Variants in TMEM67 observed in about 807,000 individuals in gnomAD.
TMEM67 encodes transmembrane protein 67.
Under a neutral mutation model 136.6 loss-of-function variants are expected in TMEM67, and 124 were observed. The ratio of observed to expected loss-of-function variants is 0.91; its 90% CI spans 0.78 to 1.05. TMEM67 has a LOEUF of 1.05. TMEM67 is among the 50% of genes least tolerant of loss of function. The pLI, the probability that TMEM67 is intolerant of heterozygous loss-of-function variation, is 0.00. For missense variants in TMEM67, 1,107 were observed against 1,178.4 expected, an observed-to-expected ratio of 0.94 and a Z score of 0.89; for synonymous variants, 364 against 390.5, an observed-to-expected ratio of 0.93 and a Z score of 0.80.
chr8:93,786,123 G>A (rs1586050889), intron 12 of TMEM67, 100 bp from the exon 13 acceptor site: 1 of 1,118,638 alleles, frequency 8.9e-7, no homozygotes, highest in East Asian at 2.4e-5. Flanking sequence ...CCATTGTCAG[G>A]TGTTTCTTAT....
intron 6 of TMEM67, among the ~76,000 whole-genome samples, chr8:93,767,731 T>TTG (rs984731391): frequency 4.6e-5 from 7 of 151,866 alleles, no homozygotes; most frequent in African/African-American, 1.7e-4. Context: ...CGTGATTTTT[T>TTG]TTTTTTTTTT....
At chr8:93,755,369 G>A (rs1229020467) in intron 1 of TMEM67, among the ~76,000 whole-genome samples, 1 of 152,208 alleles carries the variant, frequency 6.6e-6, no homozygotes, top group African/African-American at 2.4e-5. Flanking sequence ...ATTTCCAGCA[G>A]CAGTTAAGTA....
chr8:93,808,296 T>G (rs918609969), intron 23 of TMEM67, among the ~76,000 whole-genome samples: 1 of 142,930 alleles, frequency 7.0e-6, no homozygotes, highest in Non-Finnish European at 1.5e-5. Context: ...ATGGATTATA[T>G]ATATTATCAT....
At chr8:93,810,418 A>G (rs1808657229) in intron 26 of TMEM67, among the ~76,000 whole-genome samples, 1 of 151,882 alleles carries the variant, frequency 6.6e-6, no homozygotes, top group Non-Finnish European at 1.5e-5. Flanking sequence ...CGTCTTTACT[A>G]AAAATACAAA....
intron 2 of TMEM67, among the ~76,000 whole-genome samples, chr8:93,757,366 G>A (rs980148339): frequency 3.3e-5 from 5 of 151,582 alleles, no homozygotes; most frequent in African/African-American, 4.9e-5. Flanking sequence ...GGCCGGGCGC[G>A]GTGGCTCACG....
At chr8:93,770,188 TTAA>T (rs1386799196) in intron 6 of TMEM67, among the ~76,000 whole-genome samples, 3 of 152,216 alleles carry the variant, frequency 2.0e-5, no homozygotes, top group African/African-American at 4.8e-5. Flanking sequence ...TAAAGAATTA[TTAA>T]TGTTTTGCCA....
Position 93,765,390 on chromosome 8 carries a change from T to C in TMEM67, c.507-16T>C, listed in dbSNP as rs367547273. On this transcript the variant is annotated splice_polypyrimidine_tract_variant and intron_variant, in intron 4 of 27. Transcript: ENST00000453321. ...TTTATTAACATTTTTAAAATTATTT[T>C]TGTTATATTGAACAGGTGCGTCCGA... The C allele has an allele frequency of 4.7e-5, 75 of 1,600,918 alleles. No homozygotes were observed. Among genetic ancestry groups the C allele is most frequent in the Admixed American group, 8.3e-5 (5 of 59,938 alleles).
At chr8:93,813,152 T>G (rs1808766276) in intron 26 of TMEM67, among the ~76,000 whole-genome samples, 1 of 152,174 alleles carries the variant, frequency 6.6e-6, no homozygotes, top group Non-Finnish European at 1.5e-5. Context: ...TATCTTCCTC[T>G]TCTTTCTAAG....
intron 6 of TMEM67, chr8:93,769,638 T>C (rs1813244857): frequency 6.0e-6 from 1 of 167,122 alleles, no homozygotes; most frequent in African/African-American, 2.4e-5. Flanking sequence ...CTAGTTAAGA[T>C]GGTTTGACTA....
intron 14 of TMEM67, among the ~76,000 whole-genome samples, chr8:93,789,594 G>A (rs190205757): frequency 4.2e-4 from 63 of 150,292 alleles, no homozygotes; most frequent in Non-Finnish European, 7.5e-4. Flanking sequence ...GCAGTGAGCC[G>A]AGAGCACGCC....
rs59319341 is a variant in TMEM67, at chr8:93,803,911, A to G, written c.2322+227A>G. Among the ~76,000 whole-genome samples the G allele has an allele frequency of 0.019, 2,751 of 147,302 alleles. 85 individuals are homozygous for G. Among genetic ancestry groups the G allele is most frequent in the African/African-American group, 0.063 (2,514 of 39,726 alleles). On this transcript the variant is annotated intron_variant, in intron 22 of 27. Transcript: ENST00000453321. ...TTTTTTTTTGAAACGGTCTTGCTCC[A>G]TCACCCAGGCTGGAGTGTAGTGGCA...
At chr8:93,776,845 A>G (rs1047218352) in intron 7 of TMEM67, among the ~76,000 whole-genome samples, 2 of 152,192 alleles carry the variant, frequency 1.3e-5, no homozygotes, top group Non-Finnish European at 2.9e-5. Context: ...AGGCTTTGGT[A>G]TCAGGATGAT....
chr8:93,803,914 AC>A (rs1586080814), intron 22 of TMEM67, among the ~76,000 whole-genome samples: 1 of 148,344 alleles, frequency 6.7e-6, no homozygotes, highest in East Asian at 2.0e-4. Flanking sequence ...TTGCTCCATC[AC>A]CCAGGCTGGA....
At chr8:93,781,509 C>G in intron 9 of TMEM67, 149 bp from the exon 10 acceptor site, 1 of 524,988 alleles carries the variant, frequency 1.9e-6, no homozygotes, top group Admixed American at 3.5e-5. Context: ...TCTATTTAGT[C>G]ATAGAAATAG....
rs267607119 is a variant in TMEM67 at position 93,808,898 on chromosome 8, T to C, written c.2498T>C (p.Ile833Thr). ...VPNTDGQTFE[I>T]AISNQMRQHY... ...AACACAGATGGTCAGACTTTTGAGA[T>C]TGCAATTTCTAACCAGATGAGACAA... The change falls in exon 24 of 28, where the codon ATT becomes ACT. Residue 833 changes from isoleucine to threonine, a missense_variant. Physicochemically the swap from Ile to Thr is moderately conservative, Grantham distance 89. This residue lies in a region of TMEM67 where 925 missense variants were observed against 1,002.4 expected (regional missense o/e 0.92). Transcript: ENST00000453321. 166 of 1,613,022 alleles carry C rather than the reference T, an allele frequency of 1.0e-4. 1 individual carries two copies. Among genetic ancestry groups the C allele is most frequent in the Non-Finnish European group, 1.3e-4 (156 of 1,179,366 alleles).
At chr8:93,801,152 G>A (rs1814852788) in intron 21 of TMEM67, among the ~76,000 whole-genome samples, 1 of 152,096 alleles carries the variant, frequency 6.6e-6, no homozygotes, top group South Asian at 2.1e-4. Context: ...AGGACCTCTA[G>A]AGAGCAGTTT....
chr8:93,809,909 A>G, intron 26 of TMEM67, 22 bp downstream of exon 26: 1 of 1,426,274 alleles, frequency 7.0e-7, no homozygotes, highest in South Asian at 1.2e-5. Flanking sequence ...ATCCCTTTGT[A>G]GAACTTGATA....
At chr8:93,796,123 G>C in intron 18 of TMEM67, 136 bp downstream of exon 18, 1 of 684,166 alleles carries the variant, frequency 1.5e-6, no homozygotes, top group South Asian at 1.7e-5. Context: ...ATTATTTTAT[G>C]TGGTAAATTT....
intron 20 of TMEM67, among the ~76,000 whole-genome samples, chr8:93,799,159 G>A (rs1442040528): frequency 1.3e-5 from 2 of 152,088 alleles, no homozygotes; most frequent in Non-Finnish European, 2.9e-5. Flanking sequence ...TGGACCAAAA[G>A]TATTTAAACA....
Sources: gnomAD v4.1 joint callset for allele counts (sites outside exome capture counted in the v4.1 genomes callset) on GRCh38, gnomAD v4.1.1 for gene constraint, gnomAD v4.1.1 regional missense constraint, MANE v1.5 for transcripts, NCBI Gene and HGNC (gene_info 2026-07-23, HGNC 2026-07-21) for gene names.